Variants in SORCS3 observed in about 807,000 individuals in gnomAD.
SORCS3 encodes sortilin related VPS10 domain containing receptor 3, also known as VPS10 domain-containing receptor SorCS3.
Under a neutral mutation model 146.3 loss-of-function variants are expected in SORCS3, and 57 were observed. The ratio of observed to expected loss-of-function variants is 0.39; its 90% CI spans 0.31 to 0.49. The LOEUF is 0.49. Ranked by LOEUF, SORCS3 falls within the 20% of genes least tolerant of loss-of-function variation. The probability of loss-of-function intolerance (pLI) is 0.92; values close to 1 mark genes in which losing one functional copy is unlikely to be tolerated. For missense variants in SORCS3, 1,341 were observed against 1,575.5 expected, an observed-to-expected ratio of 0.85 and a Z score of 2.52; for synonymous variants, 653 against 618.5, an observed-to-expected ratio of 1.06 and a Z score of -0.83.
At chr10:104,885,516 T>C (rs1201317213) in intron 2 of SORCS3, among the ~76,000 whole-genome samples, 3 of 152,220 alleles carry the variant, frequency 2.0e-5, no homozygotes, top group East Asian at 1.9e-4. Context: ...ACTTTAATTT[T>C]GTTAGGACCG....
intron 7 of SORCS3, among the ~76,000 whole-genome samples, chr10:105,113,369 T>C (rs781312542): frequency 2.6e-5 from 4 of 152,200 alleles, no homozygotes; most frequent in Non-Finnish European, 5.9e-5. Context: ...AGTATATGCA[T>C]TTGAGAGTAC....
At chr10:105,134,064 G>A (rs2056041051) in intron 7 of SORCS3, among the ~76,000 whole-genome samples, 2 of 152,160 alleles carry the variant, frequency 1.3e-5, no homozygotes, top group Non-Finnish European at 2.9e-5. Context: ...TTTTTAAAAA[G>A]TTTTTCACAA....
chr10:104,996,598 A>C (rs767225629), intron 4 of SORCS3, among the ~76,000 whole-genome samples: 1 of 152,296 alleles, frequency 6.6e-6, no homozygotes, highest in Non-Finnish European at 1.5e-5. Context: ...AGAGCACTTC[A>C]TCTAACACAA....
chr10:104,866,251 T>C (rs2018457818), intron 2 of SORCS3, among the ~76,000 whole-genome samples: 1 of 152,190 alleles, frequency 6.6e-6, no homozygotes, highest in South Asian at 2.1e-4. Context: ...TTAATGACTA[T>C]TATGTTGGAA....
At chr10:104,841,147 GTTTA>G (rs2018135576) in intron 1 of SORCS3, among the ~76,000 whole-genome samples, 1 of 152,168 alleles carries the variant, frequency 6.6e-6, no homozygotes, top group Admixed American at 6.5e-5. Flanking sequence ...CTATGGATAA[GTTTA>G]TTTCTCTGTT....
chr10:105,234,157 A>G (rs756535336), intron 20 of SORCS3, among the ~76,000 whole-genome samples: 2 of 151,944 alleles, frequency 1.3e-5, no homozygotes, highest in African/African-American at 4.8e-5. Flanking sequence ...GGAATTCTAG[A>G]TTGGTGGTGT....
intron 1 of SORCS3, among the ~76,000 whole-genome samples, chr10:104,723,750 G>A (rs1197336853): frequency 3.3e-5 from 5 of 152,148 alleles, no homozygotes; most frequent in Non-Finnish European, 7.4e-5. Flanking sequence ...TGTCTCTTTT[G>A]ATCTTTGTTG....
At chr10:105,036,901 A>G (rs1265402981) in intron 4 of SORCS3, among the ~76,000 whole-genome samples, 2 of 152,160 alleles carry the variant, frequency 1.3e-5, no homozygotes, top group Non-Finnish European at 2.9e-5. Flanking sequence ...CCTAAACTCC[A>G]CAAGTTTTGA....
At chr10:105,053,211 CA>C (rs781372439) in intron 5 of SORCS3, among the ~76,000 whole-genome samples, 24 of 152,212 alleles carry the variant, frequency 1.6e-4, no homozygotes, top group Non-Finnish European at 3.4e-4. Context: ...CAGATACCAT[CA>C]GTTTGGAGGT....
At chr10:104,940,238 A>ATATATATATATTTT (rs1435205868) in intron 3 of SORCS3, among the ~76,000 whole-genome samples, 9 of 31,498 alleles carry the variant, frequency 2.9e-4, no homozygotes, top group Non-Finnish European at 4.9e-4. Context: ...ATATATATAT[A>ATATATATATATTTT]TTTTTTTTTT....
chr10:104,757,336 A>G (rs1403755151), intron 1 of SORCS3, among the ~76,000 whole-genome samples: 3 of 152,174 alleles, frequency 2.0e-5, no homozygotes, highest in Admixed American at 2.0e-4. Context: ...TTAAAACTAA[A>G]TAATTGCCAT....
At chr10:104,914,865 G>T (rs2019008469) in intron 2 of SORCS3, among the ~76,000 whole-genome samples, 1 of 152,212 alleles carries the variant, frequency 6.6e-6, no homozygotes, top group African/African-American at 2.4e-5. Flanking sequence ...GTTGAGTACA[G>T]AGAAAATGCA....
At chr10:105,064,558 T>A (rs1210422104) in intron 5 of SORCS3, among the ~76,000 whole-genome samples, 1 of 152,200 alleles carries the variant, frequency 6.6e-6, no homozygotes, top group African/African-American at 2.4e-5. Flanking sequence ...GCTGAGGGTA[T>A]GAATCTCAGT....
chr10:104,769,795 C>T (rs1487040522), intron 1 of SORCS3, among the ~76,000 whole-genome samples: 2 of 152,104 alleles, frequency 1.3e-5, no homozygotes, highest in Non-Finnish European at 2.9e-5. Context: ...AGGACTTTCC[C>T]TGTATGTGTC....
At chr10:105,244,750 T>G (rs2067975649) in intron 20 of SORCS3, among the ~76,000 whole-genome samples, 1 of 152,070 alleles carries the variant, frequency 6.6e-6, no homozygotes, top group Non-Finnish European at 1.5e-5. Context: ...GTGCATCTAA[T>G]TTACATATAT....
intron 5 of SORCS3, among the ~76,000 whole-genome samples, chr10:105,052,901 T>C (rs1482207675): frequency 6.6e-6 from 1 of 152,128 alleles, no homozygotes; most frequent in Non-Finnish European, 1.5e-5. Flanking sequence ...TCCAGTTTGG[T>C]CTGGGGCTGT....
intron 12 of SORCS3, 116 bp from the exon 13 acceptor site, chr10:105,167,142 C>T: frequency 1.4e-6 from 1 of 729,072 alleles, no homozygotes; most frequent in Non-Finnish European, 2.3e-6. Flanking sequence ...TCTGATAGTG[C>T]TGTTGGAAGG....
intron 9 of SORCS3, among the ~76,000 whole-genome samples, chr10:105,148,868 C>T (rs1007964530): frequency 5.9e-5 from 9 of 152,094 alleles, no homozygotes; most frequent in African/African-American, 1.9e-4. Context: ...TGTGTCCCTA[C>T]CCAAATCCCA....
chr10:105,233,255 C>G (rs1035833031), intron 20 of SORCS3, among the ~76,000 whole-genome samples: 4 of 151,976 alleles, frequency 2.6e-5, no homozygotes, highest in Non-Finnish European at 5.9e-5. Context: ...AAATTCTTGT[C>G]TCTTGCCTCT....
Sources: allele counts gnomAD v4.1 joint callset (sites outside exome capture counted in the v4.1 genomes callset), GRCh38; gene constraint gnomAD v4.1.1; transcripts MANE v1.5; gene names NCBI Gene and HGNC (gene_info 2026-07-23, HGNC 2026-07-21).